The following PHYHIPL variants were observed in gnomAD, a reference collection of about 807,000 sequenced individuals.
PHYHIPL encodes the protein phytanoyl-CoA 2-hydroxylase interacting protein like.
PHYHIPL carries 9 observed loss-of-function variants against 33.4 expected under a neutral mutation model. The ratio of observed to expected loss-of-function variants is 0.27; its 90% CI spans 0.16 to 0.47. The LOEUF (loss-of-function observed/expected upper bound fraction) is 0.47. Ranked by LOEUF, PHYHIPL falls within the 20% of genes least tolerant of loss-of-function variation. The pLI is 0.99. For missense variants in PHYHIPL, 365 were observed against 460.7 expected (o/e 0.79, Z 1.90); for synonymous variants, 153 against 154.1 (o/e 0.99, Z 0.05).
chr10:59,215,687 G>A (rs915542409), intron 1 of PHYHIPL, among the ~76,000 whole-genome samples: 1 of 151,988 alleles, frequency 6.6e-6, no homozygotes, highest in Admixed American at 6.6e-5. Flanking sequence ...GAGAATGTCA[G>A]TAGTAATGGG....
At chr10:59,208,999 C>A (rs1338032016) in intron 1 of PHYHIPL, among the ~76,000 whole-genome samples, 3 of 152,176 alleles carry the variant, frequency 2.0e-5, no homozygotes, top group Non-Finnish European at 4.4e-5. Context: ...TTGGAAAACA[C>A]TCTTCAGGAT....
chr10:59,207,343 C>T (rs1475055014), intron 1 of PHYHIPL, among the ~76,000 whole-genome samples: 1 of 152,162 alleles, frequency 6.6e-6, no homozygotes, highest in African/African-American at 2.4e-5. Flanking sequence ...ACTCCCTCCC[C>T]TAGCCAAAGG....
At chr10:59,237,012 T>C (rs373715452) in intron 3 of PHYHIPL, among the ~76,000 whole-genome samples, 2 of 146,296 alleles carry the variant, frequency 1.4e-5, no homozygotes, top group East Asian at 2.0e-4. Context: ...TTTTTTTTTT[T>C]CCTTTTTCAT....
At chr10:59,211,157 G>A (rs1226264678) in intron 1 of PHYHIPL, among the ~76,000 whole-genome samples, 3 of 152,052 alleles carry the variant, frequency 2.0e-5, no homozygotes, top group Admixed American at 2.0e-4. Flanking sequence ...AGCATCACTT[G>A]AGGCCAAGAA....
upstream of PHYHIPL, among the ~76,000 whole-genome samples, chr10:59,176,202 TAC>T (rs1186774605): frequency 6.6e-6 from 1 of 152,064 alleles, no homozygotes; most frequent in African/African-American, 2.4e-5. Flanking sequence ...CCCAATACCG[TAC>T]AGAGAGTCCG....
upstream of PHYHIPL, among the ~76,000 whole-genome samples, chr10:59,176,017 G>A (rs1838241933): frequency 6.6e-6 from 1 of 152,172 alleles, no homozygotes; most frequent in Admixed American, 6.5e-5. Context: ...TCCCACGTTT[G>A]CCCCGCTTCA....
At position 59,245,095 on chromosome 10, in the gene PHYHIPL, A is replaced by C; in HGVS notation, c.635A>C (p.Asp212Ala). The C allele has an allele frequency of 6.2e-7, 1 of 1,613,602 alleles. No homozygotes were observed. Among genetic ancestry groups the C allele is most frequent in the Non-Finnish European group, 8.5e-7 (1 of 1,179,798 alleles). The change falls in exon 5 of 5, where the codon GAT becomes GCT. Residue 212 changes from aspartate to alanine, a missense_variant. By Grantham distance (126) the Asp-to-Ala change is moderately radical (BLOSUM62 -2). Around this residue, in one of 4 missense-constraint regions of PHYHIPL, gnomAD observed 196 missense variants for 224.9 expected, o/e 0.87. Coordinates refer to ENST00000373880, the MANE Select transcript of PHYHIPL (RefSeq NM_032439.4). ...HGNAMQPSVKDNSGSHGSPIS... is the reference protein window; with the variant it reads ...HGNAMQPSVKANSGSHGSPIS... ...AATGCTATGCAGCCATCTGTCAAGG[A>C]TAACAGTGGTAGCCATGGCTCTCCT...
chr10:59,178,959 TA>T (rs1838327001), intron 1 of PHYHIPL, among the ~76,000 whole-genome samples: 1 of 152,146 alleles, frequency 6.6e-6, no homozygotes, highest in African/African-American at 2.4e-5. Context: ...ATAGACTAAT[TA>T]AATAGGGTTT....
At chr10:59,233,850 A>G (rs1783273531) in intron 1 of PHYHIPL, among the ~76,000 whole-genome samples, 1 of 151,788 alleles carries the variant, frequency 6.6e-6, no homozygotes, top group Non-Finnish European at 1.5e-5. Context: ...ATGTAGTAAA[A>G]CCATTACATG....
chr10:59,231,968 G>C (rs1840094329), intron 1 of PHYHIPL, among the ~76,000 whole-genome samples: 1 of 151,970 alleles, frequency 6.6e-6, no homozygotes, highest in Non-Finnish European at 1.5e-5. Flanking sequence ...ATAAAGTCTT[G>C]AGTGTAAGAG....
intron 4 of PHYHIPL, among the ~76,000 whole-genome samples, chr10:59,239,977 C>A (rs1211742987): frequency 2.0e-5 from 3 of 152,046 alleles, no homozygotes; most frequent in Non-Finnish European, 2.9e-5. Flanking sequence ...AAATCAGCTT[C>A]AAGCTGTGGA....
rs1838487359 is a variant in PHYHIPL at position 59,183,971 on chromosome 10, G to A, written c.106+7012G>A. On this transcript the variant is annotated intron_variant, in intron 1 of 4. Coordinates refer to ENST00000373880, the MANE Select transcript of PHYHIPL (RefSeq NM_032439.4). ...TTTCAGTATACTCTGATTTTTTTGAGAAATAGTGTCTCATCTTCCATGAAT... is the reference window on the plus strand; with the variant it reads ...TTTCAGTATACTCTGATTTTTTTGAAAAATAGTGTCTCATCTTCCATGAAT... Among the ~76,000 whole-genome samples, 3 of 152,156 alleles carry A rather than the reference G, an allele frequency of 2.0e-5. No homozygotes were observed. In the East Asian group the frequency reaches 5.8e-4, roughly 29 times the overall value.
At chr10:59,178,187 A>T (rs968211669) in intron 1 of PHYHIPL, among the ~76,000 whole-genome samples, 32 of 151,776 alleles carry the variant, frequency 2.1e-4, no homozygotes, top group African/African-American at 7.7e-4. Flanking sequence ...ATTTATTAAT[A>T]TAAATTTATA....
intron 1 of PHYHIPL, among the ~76,000 whole-genome samples, chr10:59,186,142 A>G (rs1042473861): frequency 5.9e-5 from 9 of 152,164 alleles, no homozygotes; most frequent in African/African-American, 1.4e-4. Flanking sequence ...TAATTTTTGT[A>G]TAAGGTGTAA....
rs141859977 is a variant in PHYHIPL at position 59,192,544 on chromosome 10, G to T, written c.106+15585G>T. 1.4e-3 allele frequency among the ~76,000 whole-genome samples: 209 copies of T among 152,228 alleles called. 6 individuals are homozygous for T. The East Asian group carries it at 0.03, about 22-fold the overall frequency. The stretch of plus-strand genomic sequence containing the variant: ...GGTGGGGAAGAGATATTGGATATTT[G>T]TTGTTTAGATACAGTGTTCTGACAT... On this transcript the variant is annotated intron_variant, in intron 1 of 4. Transcript: ENST00000373880.
At chr10:59,208,134 C>T (rs555776504) in intron 1 of PHYHIPL, among the ~76,000 whole-genome samples, 1 of 152,286 alleles carries the variant, frequency 6.6e-6, no homozygotes, top group South Asian at 2.1e-4. Context: ...CTGGGAGACA[C>T]CTCCCAGCAG....
intron 1 of PHYHIPL, among the ~76,000 whole-genome samples, chr10:59,213,505 C>T (rs1839524190): frequency 6.6e-6 from 1 of 152,056 alleles, no homozygotes; most frequent in Admixed American, 6.6e-5. Flanking sequence ...TATTTACTCT[C>T]TGAAATGAAA....
At chr10:59,214,827 A>G (rs1839567078) in intron 1 of PHYHIPL, among the ~76,000 whole-genome samples, 1 of 152,038 alleles carries the variant, frequency 6.6e-6, no homozygotes, top group African/African-American at 2.4e-5. Context: ...AGATGATGGT[A>G]TTGAAATGCT....
chr10:59,238,177 T>C (rs1840283449), intron 3 of PHYHIPL, among the ~76,000 whole-genome samples: 1 of 152,022 alleles, frequency 6.6e-6, no homozygotes, highest in Admixed American at 6.6e-5. Flanking sequence ...CCAAGTCTTA[T>C]GTACTCATTA....
Sources: gnomAD v4.1 joint callset for allele counts (sites outside exome capture counted in the v4.1 genomes callset) on GRCh38, gnomAD v4.1.1 for gene constraint, gnomAD v4.1.1 regional missense constraint, MANE v1.5 for transcripts, NCBI Gene and HGNC (gene_info 2026-07-23, HGNC 2026-07-21) for gene names.